Variants in STARD8 observed in about 807,000 individuals in gnomAD.
STARD8 encodes the protein stAR-related lipid transfer protein 8.
In STARD8, 25 loss-of-function variants were observed where a neutral mutation model predicts 69.4. The ratio of observed to expected loss-of-function variants is 0.36; its 90% confidence interval spans 0.26 to 0.50. The LOEUF (loss-of-function observed/expected upper bound fraction) is 0.50. STARD8 is among the 20% of genes least tolerant of loss of function. The pLI is 0.96. For synonymous variants in STARD8, 389 were observed against 374.6 expected, an observed-to-expected ratio of 1.04 and a Z score of -0.45; for missense variants, 921 against 932.5, an observed-to-expected ratio of 0.99 and a Z score of 0.16.
chrX:68,662,004 C>CTT (rs1242244642), intron 1 of STARD8, among the ~76,000 whole-genome samples: 15 of 82,571 alleles, frequency 1.8e-4, no homozygotes, highest in Non-Finnish European at 2.5e-4. Flanking sequence ...TTCTTTCTTT[C>CTT]TTTCTTTCTT....
chrX:68,686,458 G>A (rs1471522904), intron 2 of STARD8, among the ~76,000 whole-genome samples: 1 of 112,684 alleles, frequency 8.9e-6, no homozygotes, highest in Non-Finnish European at 1.9e-5. Flanking sequence ...CAGGCGCGGG[G>A]CTGGGGTCCG....
intron 2 of STARD8, among the ~76,000 whole-genome samples, chrX:68,686,027 G>A (rs910331618): frequency 8.9e-6 from 1 of 112,080 alleles, no homozygotes; most frequent in Non-Finnish European, 1.9e-5. Context: ...TGGAGGGGCT[G>A]ACCCCATAAC....
At chrX:68,714,808 C>T (rs758455730) in intron 3 of STARD8, among the ~76,000 whole-genome samples, 31 of 112,025 alleles carry the variant, frequency 2.8e-4, no homozygotes, top group African/African-American at 8.4e-4. Context: ...CCCCCAACTC[C>T]TTTCTTTCCC....
At chrX:68,678,907 GC>G (rs1248429516) in intron 2 of STARD8, among the ~76,000 whole-genome samples, 2 of 112,269 alleles carry the variant, frequency 1.8e-5, no homozygotes, top group Non-Finnish European at 3.8e-5. Context: ...TCCCCATTTT[GC>G]CCCTCATTAG....
chrX:68,717,779 C>G lies in STARD8; in HGVS notation c.865C>G (p.Pro289Ala). The G allele has an allele frequency of 8.3e-7, 1 of 1,211,998 alleles. No homozygotes were observed. The highest frequency in any genetic ancestry group is 1.1e-6 in the Non-Finnish European group (1 of 895,518). Reference protein sequence around the residue: ...EAWPVASFRHPQWTHRGDCLV... With the variant: ...EAWPVASFRHAQWTHRGDCLV... ...CTGGCCTGTGGCCTCGTTCCGGCAT[C>G]CTCAGTGGACACACCGGGGTGATTG... is the stretch of plus-strand genomic sequence containing the variant. The change falls in exon 6 of 15, where the codon CCT becomes GCT. Residue 289 changes from proline (P) to alanine (A), a missense_variant. Physicochemically the swap from Pro to Ala is conservative, Grantham distance 27 (BLOSUM62 -1). Transcript: ENST00000374599.
intron 2 of STARD8, among the ~76,000 whole-genome samples, chrX:68,699,873 C>A (rs926193911): frequency 8.9e-6 from 1 of 112,058 alleles, no homozygotes; most frequent in South Asian, 3.7e-4. Flanking sequence ...TGGTTCAGGT[C>A]CAGCCAGCTC....
In STARD8 at chrX:68,661,931, C is replaced by T. The variant is rs55675619; in HGVS notation, c.46-3568C>T. ...CTTCCTTCCTTCCTTCCTTCCTTCC[C>T]TCCCTCCCTCCTTCCTCTCTCTCTC... On this transcript the variant is annotated intron_variant, in intron 1 of 14. Transcript: ENST00000374599. 2.0e-3 allele frequency among the ~76,000 whole-genome samples: 141 copies of T among 71,207 alleles called. 1 individual carries two copies. The highest frequency in any genetic ancestry group is 0.011 in the African/African-American group (125 of 11,383). 61.8% of individuals were successfully genotyped at this position (71,207 alleles called of 115,157 possible).
chrX:68,679,206 C>T (rs781736294), intron 2 of STARD8, among the ~76,000 whole-genome samples: 7 of 111,619 alleles, frequency 6.3e-5, no homozygotes, highest in Admixed American at 1.9e-4. Flanking sequence ...CTTCTACCCC[C>T]CAAAATTGAA....
rs1195098589 is a variant in STARD8, at chrX:68,724,625, C to G, written c.*203C>G. On this transcript the variant is annotated 3_prime_UTR_variant, in exon 15 of 15. Coordinates refer to ENST00000374599, the MANE Select transcript of STARD8 (RefSeq NM_001142503.3). Reference sequence around the variant, plus strand: ...AAAAGAGAATTTAGGCAACTCCACTCCCCCTTCACCCCCAACCCTGTATTC... The same window carrying G: ...AAAAGAGAATTTAGGCAACTCCACTGCCCCTTCACCCCCAACCCTGTATTC... 5.1e-6 allele frequency: 2 copies of G among 395,451 alleles called. No individual in the cohort carries two copies. The highest frequency in any genetic ancestry group is 4.1e-5 in the East Asian group (1 of 24,529). 32.6% of individuals were successfully genotyped at this position (395,451 alleles called of 1,213,427 possible).
chrX:68,656,775 G>T (rs112780416), intron 1 of STARD8, among the ~76,000 whole-genome samples: 93 of 110,726 alleles, frequency 8.4e-4, no homozygotes, highest in African/African-American at 2.9e-3. Flanking sequence ...ACCAAACACC[G>T]CATGTTCTCA....
At chrX:68,675,468 T>C (rs2079759534) in intron 2 of STARD8, among the ~76,000 whole-genome samples, 1 of 107,539 alleles carries the variant, frequency 9.3e-6, no homozygotes, top group Non-Finnish European at 1.9e-5. Context: ...AGTGTGATAA[T>C]GGGAGTGGGA....
chrX:68,722,279 C>T, intron 11 of STARD8, 118 bp downstream of exon 11: 1 of 830,972 alleles, frequency 1.2e-6, no homozygotes, highest in African/African-American at 2.0e-5. Flanking sequence ...CAAGCTTATA[C>T]CCCCAACTCT....
intron 1 of STARD8, 23 bp downstream of exon 1, chrX:68,647,950 C>G: frequency 8.4e-7 from 1 of 1,192,419 alleles, no homozygotes; most frequent in Non-Finnish European, 1.1e-6. Context: ...CCAGCCCCAG[C>G]CCATCCCGCT....
intron 1 of STARD8, among the ~76,000 whole-genome samples, chrX:68,659,461 C>A (rs758643299): frequency 9.0e-6 from 1 of 111,009 alleles, no homozygotes; most frequent in African/African-American, 3.3e-5. Flanking sequence ...CTTCTATTCC[C>A]GCCCCTGCTC....
In STARD8 at chrX:68,723,618, G is replaced by T; in HGVS notation, c.2800-8G>T. 1.7e-6 allele frequency: 2 copies of T among 1,179,476 alleles called. No homozygotes were observed. Among genetic ancestry groups the T allele is most frequent in the Non-Finnish European group, 2.3e-6 (2 of 879,117 alleles). On this transcript the variant is annotated splice_polypyrimidine_tract_variant and splice_region_variant and intron_variant, in intron 12 of 14. Coordinates refer to ENST00000374599, the MANE Select transcript of STARD8 (RefSeq NM_001142503.3). The stretch of plus-strand genomic sequence containing the variant: ...AGCTGCCCCCATCCCCACTCCTGTG[G>T]CTCACAGGCACCGGATGGGCACCCC...
intron 10 of STARD8, 111 bp downstream of exon 10, chrX:68,721,857 G>A: frequency 2.3e-6 from 2 of 859,715 alleles, no homozygotes; most frequent in Non-Finnish European, 3.3e-6. Flanking sequence ...TCACCACAAG[G>A]AGTGAGCCTG....
Position 68,725,698 on chromosome X carries a change from C to G in STARD8, c.*1276C>G, listed in dbSNP as rs1242795514. 3 of 107,610 alleles carry G rather than the reference C, an allele frequency of 2.8e-5. No individual in the cohort carries two copies. The highest frequency in any genetic ancestry group is 2.0e-4 in the Admixed American group (2 of 9,995). The allele number at this position is 107,610 out of a possible 1,213,427, so 8.9% of individuals were successfully genotyped here. A position where few individuals can be genotyped will look rare whatever the true frequency, so the allele number is the denominator to read the frequency against. ...CATTTGCACAGACACACACATATATCAATTCTCATGAGTGTATTATAATCT... is the reference window on the plus strand; with the variant it reads ...CATTTGCACAGACACACACATATATGAATTCTCATGAGTGTATTATAATCT... On this transcript the variant is annotated 3_prime_UTR_variant, in exon 15 of 15. Transcript: ENST00000374599.
chrX:68,719,646 T>C (rs1459623350), intron 7 of STARD8, among the ~76,000 whole-genome samples: 1 of 112,527 alleles, frequency 8.9e-6, no homozygotes, highest in Non-Finnish European at 1.9e-5. Context: ...AAAATGCAGC[T>C]GTGGTTGTCA....
At position 68,721,716 on chromosome X, in the gene STARD8, A is replaced by G. The variant is rs760850357; in HGVS notation, c.2429A>G (p.Asn810Ser). The G allele has an allele frequency of 2.2e-5, 27 of 1,210,455 alleles. No individual in the cohort carries two copies. In the East Asian group the frequency reaches 2.7e-4, roughly 12 times the overall value. ...VCLAPSIFHLNVSKKDSPSPR... is the reference protein window; with the variant it reads ...VCLAPSIFHLSVSKKDSPSPR... ...CTGGCGCCCTCCATCTTCCACCTCA[A>G]TGTCTCTAAGAAGGATAGCCCCTCT... Residue 810 changes from asparagine (N) to serine (S), a missense_variant, in exon 10 of 15, where the codon AAT becomes AGT. Physicochemically the swap from Asn to Ser is conservative, Grantham distance 46 (BLOSUM62 1). Coordinates refer to ENST00000374599, the MANE Select transcript of STARD8 (RefSeq NM_001142503.3).
Sources: allele counts gnomAD v4.1 joint callset (sites outside exome capture counted in the v4.1 genomes callset), GRCh38; gene constraint gnomAD v4.1.1; transcripts MANE v1.5; gene names NCBI Gene and HGNC (gene_info 2026-07-23, HGNC 2026-07-21).